ZNF138: variants seen among roughly 807,000 people sequenced by gnomAD.
ZNF138 encodes zinc finger protein 138, also known as zinc finger protein 138 (clone pHZ-32).
ZNF138 carries 33 observed loss-of-function variants against 33.0 expected under a neutral mutation model. The ratio of observed to expected loss-of-function variants is 1.00; its 90% confidence interval spans 0.76 to 1.34. The LOEUF (loss-of-function observed/expected upper bound fraction) is 1.34. Ranked by LOEUF, ZNF138 falls within the 40% of genes most tolerant of loss-of-function variation. The pLI is 0.00. For missense variants in ZNF138, 360 were observed against 370.8 expected, an observed-to-expected ratio of 0.97 and a Z score of 0.24; for synonymous variants, 139 against 120.4, an observed-to-expected ratio of 1.15 and a Z score of -1.01.
chr7:64,831,426 A>ATTTGTTATTTTTTGTTTC (rs749622427), intron 3 of ZNF138, 25 bp from the exon 4 acceptor site: 2 of 1,506,688 alleles, frequency 1.3e-6, no homozygotes, highest in Non-Finnish European at 1.8e-6. Context: ...AGGTGGAGTA[A>ATTTGTTATTTTTTGTTTC]TTTGTTATTT....
At chr7:64,811,231 T>C (rs893237081) in intron 1 of ZNF138, among the ~76,000 whole-genome samples, 2 of 152,228 alleles carry the variant, frequency 1.3e-5, no homozygotes, top group African/African-American at 4.8e-5. Context: ...CCCAAGGTGC[T>C]ATGAGGATTA....
chr7:64,794,828 C>A (rs67376101), intron 1 of ZNF138, among the ~76,000 whole-genome samples: 9,374 of 152,208 alleles, frequency 0.062, 471 homozygotes, highest in East Asian at 0.25. Context: ...CAGCTCTGCA[C>A]CCGCAGCGAT....
At chr7:64,820,255 G>A (rs574548799) in intron 3 of ZNF138, among the ~76,000 whole-genome samples, 3 of 148,578 alleles carry the variant, frequency 2.0e-5, no homozygotes, top group South Asian at 4.3e-4. Flanking sequence ...GGGGCGGAGT[G>A]TGACTACTTA....
the ZNF138 span, among the ~76,000 whole-genome samples, chr7:64,851,335 T>C: frequency 0.013 from 1,929 of 152,294 alleles, 34 homozygotes; most frequent in African/African-American, 0.044. Context: ...CAACAGCAAT[T>C]TAAAAAATTA....
intron 1 of ZNF138, among the ~76,000 whole-genome samples, chr7:64,808,742 T>G (rs1787821358): frequency 7.2e-6 from 1 of 138,218 alleles, no homozygotes; most frequent in African/African-American, 2.5e-5. Context: ...CCCTGCGGCC[T>G]TCCGCAGTGT....
At chr7:64,821,151 G>A (rs1441757116) in intron 3 of ZNF138, among the ~76,000 whole-genome samples, 1 of 1,166 alleles carries the variant, frequency 8.6e-4, no homozygotes, top group Non-Finnish European at 3.3e-3. Context: ...GTGCAGTGGT[G>A]CAATCTCGGC....
chr7:64,817,386 A>G (rs1444210911), intron 3 of ZNF138, among the ~76,000 whole-genome samples: 2 of 144,922 alleles, frequency 1.4e-5, no homozygotes, highest in Non-Finnish European at 3.0e-5. Flanking sequence ...ATTTCTTGGT[A>G]TGTAGCCAAG....
chr7:64,852,687 T>TA, the ZNF138 span: 33 of 1,279,840 alleles, frequency 2.6e-5, 1 homozygote, highest in African/African-American at 4.1e-4. Flanking sequence ...ACCACTAGTT[T>TA]AATATTATTC....
chr7:64,831,306 T>C, intron 3 of ZNF138, 145 bp from the exon 4 acceptor site: 1 of 935,596 alleles, frequency 1.1e-6, no homozygotes, highest in Non-Finnish European at 1.6e-6. Flanking sequence ...GTTACATTTA[T>C]ATGTCTATAA....
chr7:64,831,630 T>C lies in ZNF138; in HGVS notation c.388T>C (p.Cys130Arg), dbSNP rs1790090223. Residue 130 changes from cysteine (C) to arginine (R), a missense_variant, in exon 4 of 4, where the codon TGT becomes CGT. Physicochemically the swap from Cys to Arg is radical, Grantham distance 180. Transcript: ENST00000307355. ...AGGAGGTTTTAATGGACTTAACCAA[T>C]GTTTGAAAATTACCACAAGCAAAAT... ...HQGGFNGLNQ[C>R]LKITTSKIFQ... The C allele has an allele frequency of 1.2e-6, 2 of 1,609,158 alleles. No individual in the cohort carries two copies. Among genetic ancestry groups the C allele is most frequent in the African/African-American group, 1.3e-5 (1 of 74,630 alleles).
intron 3 of ZNF138, among the ~76,000 whole-genome samples, chr7:64,825,674 G>A (rs998894444): frequency 2.0e-5 from 3 of 151,642 alleles, no homozygotes; most frequent in African/African-American, 7.3e-5. Flanking sequence ...TGAGGAGCTG[G>A]GACTACAGGT....
intron 3 of ZNF138, among the ~76,000 whole-genome samples, chr7:64,825,460 C>T (rs1164203817): frequency 2.0e-5 from 3 of 151,400 alleles, no homozygotes; most frequent in Non-Finnish European, 4.4e-5. Flanking sequence ...CCTGAGCCAC[C>T]GCACCCGGGA....
At chr7:64,819,570 T>G (rs1421025583) in intron 3 of ZNF138, among the ~76,000 whole-genome samples, 1 of 152,070 alleles carries the variant, frequency 6.6e-6, no homozygotes, top group Non-Finnish European at 1.5e-5. Context: ...GGTTTCACCA[T>G]GTTGCCCAGG....
At chr7:64,816,730 A>T (rs1161600199) in intron 3 of ZNF138, among the ~76,000 whole-genome samples, 1 of 152,192 alleles carries the variant, frequency 6.6e-6, no homozygotes, top group Non-Finnish European at 1.5e-5. Flanking sequence ...AGAAGTATTG[A>T]CAATGACACA....
At chr7:64,848,168 C>CTAAAGA in the ZNF138 span, among the ~76,000 whole-genome samples, 64,356 of 151,228 alleles carry the variant, frequency 0.43, 13,870 homozygotes, top group Non-Finnish European at 0.46. Flanking sequence ...TTTAAAGAGA[C>CTAAAGA]TAATGTCCCA....
chr7:64,832,220 G>A lies in ZNF138; in HGVS notation c.*18G>A, dbSNP rs1446916753. 4 of 1,602,462 alleles carry A rather than the reference G, an allele frequency of 2.5e-6. No individual in the cohort carries two copies. The African/African-American group carries it at 4.0e-5, about 16-fold the overall frequency. The stretch of plus-strand genomic sequence containing the variant: ...TATCTTAACAACTTACTGAACATAA[G>A]AAAATTTACACTAGAGAGAAAGCCT... On this transcript the variant is annotated 3_prime_UTR_variant, in exon 4 of 4. Transcript: ENST00000307355.
At chr7:64,819,956 C>T (rs1025682485) in intron 3 of ZNF138, among the ~76,000 whole-genome samples, 1 of 150,348 alleles carries the variant, frequency 6.7e-6, no homozygotes, top group Non-Finnish European at 1.5e-5. Flanking sequence ...ACCTGTGGTC[C>T]CAGCTTTTTG....
intron 3 of ZNF138, among the ~76,000 whole-genome samples, chr7:64,826,418 T>G (rs1583881423): frequency 6.6e-6 from 1 of 152,228 alleles, no homozygotes; most frequent in Non-Finnish European, 1.5e-5. Flanking sequence ...TAGCTGGGAT[T>G]ACAGGCATGC....
the ZNF138 span, among the ~76,000 whole-genome samples, chr7:64,858,154 G>A: frequency 1.3e-5 from 2 of 152,248 alleles, no homozygotes; most frequent in East Asian, 3.9e-4. Flanking sequence ...GAATATGCTT[G>A]TTTTGCTTAA....
Sources: allele counts gnomAD v4.1 joint callset (sites outside exome capture counted in the v4.1 genomes callset), GRCh38; gene constraint gnomAD v4.1.1; transcripts MANE v1.5; gene names NCBI Gene and HGNC (gene_info 2026-07-23, HGNC 2026-07-21).